BRWD3: variants seen among roughly 807,000 people sequenced by gnomAD.
The protein encoded by BRWD3 is bromodomain and WD repeat domain containing 3, also known as bromodomain and WD repeat-containing protein 3.
Under a neutral mutation model 149.7 loss-of-function variants are expected in BRWD3, and 10 were observed. The ratio of observed to expected loss-of-function variants is 0.07; its 90% confidence interval spans 0.04 to 0.11. The LOEUF is 0.11. BRWD3 is among the 10% of genes least tolerant of loss of function. BRWD3 has a pLI of 1.00. For missense variants in BRWD3, 940 were observed against 1,373.2 expected, an observed-to-expected ratio of 0.68 and a Z score of 4.99; for synonymous variants, 504 against 456.7, an observed-to-expected ratio of 1.10 and a Z score of -1.32.
intron 25 of BRWD3, among the ~76,000 whole-genome samples, chrX:80,697,593 A>G (rs1359976721): frequency 9.0e-6 from 1 of 111,346 alleles, no homozygotes; most frequent in African/African-American, 3.3e-5. Flanking sequence ...TCTGTTTTTC[A>G]GCTGTTTTAC....
At chrX:80,700,647 G>A (rs921529539) in intron 24 of BRWD3, among the ~76,000 whole-genome samples, 1 of 105,472 alleles carries the variant, frequency 9.5e-6, no homozygotes, top group Non-Finnish European at 1.9e-5. Context: ...TGACGCAGGA[G>A]AATCACTTGA....
At chrX:80,781,165 T>G (rs905513676) in intron 6 of BRWD3, among the ~76,000 whole-genome samples, 2 of 111,463 alleles carry the variant, frequency 1.8e-5, no homozygotes, top group African/African-American at 6.5e-5. Context: ...ACAAAATTCT[T>G]TTTTTTTGAA....
At chrX:80,793,556 A>T (rs1354909688) in intron 5 of BRWD3, 66 bp downstream of exon 5, 2 of 1,053,480 alleles carry the variant, frequency 1.9e-6, no homozygotes, top group African/African-American at 1.9e-5. Context: ...CATTTACTCA[A>T]TCTAAAAATA....
chrX:80,691,678 A>T, intron 30 of BRWD3, 145 bp downstream of exon 30: 1 of 770,209 alleles, frequency 1.3e-6, no homozygotes, highest in Non-Finnish European at 1.9e-6. Flanking sequence ...AAAACTGCTA[A>T]TATTAAAACT....
At chrX:80,777,386 G>GGTA (rs1291474506) in intron 6 of BRWD3, among the ~76,000 whole-genome samples, 1 of 110,371 alleles carries the variant, frequency 9.1e-6, no homozygotes, top group Non-Finnish European at 1.9e-5. Flanking sequence ...ACAAATTAGT[G>GGTA]GTATTATTAT....
chrX:80,724,880 A>G, intron 15 of BRWD3, 53 bp downstream of exon 15: 1 of 1,177,313 alleles, frequency 8.5e-7, no homozygotes. Flanking sequence ...CCAAGTTATT[A>G]TATGAGAGAA....
intron 8 of BRWD3, among the ~76,000 whole-genome samples, chrX:80,736,630 T>C (rs2073408073): frequency 9.0e-6 from 1 of 111,655 alleles, no homozygotes; most frequent in African/African-American, 3.3e-5. Flanking sequence ...TTTGTTTCCA[T>C]AAATAATGTA....
Position 80,717,702 on chromosome X carries a change from T to C in BRWD3, c.2102A>G (p.His701Arg). The C allele has an allele frequency of 8.3e-7, 1 of 1,211,410 alleles. No homozygotes were observed. Residue 701 changes from histidine (H) to arginine (R), a missense_variant, in exon 19 of 41, where the codon CAT becomes CGT. By Grantham distance (29) the His-to-Arg change is conservative (BLOSUM62 0). Around this residue, in one of 6 missense-constraint regions of BRWD3, gnomAD observed 103 missense variants for 103.2 expected, o/e 1.00. Coordinates refer to ENST00000373275, the MANE Select transcript of BRWD3 (RefSeq NM_153252.5). ...SSSPNIRLRR[H>R]SSQIEGVRQM... ...TCTAACACCTTCAATTTGACTACTA[T>C]GTCTTCGAAGCCTGATGTTTGGGGA...
intron 4 of BRWD3, among the ~76,000 whole-genome samples, chrX:80,796,423 C>A (rs1397880895): frequency 9.0e-6 from 1 of 111,517 alleles, no homozygotes; most frequent in Non-Finnish European, 1.9e-5. Flanking sequence ...GCCACCGTGC[C>A]CAACCTAATC....
rs1330980822 is a variant in BRWD3, at chrX:80,672,482, A to C, written c.*4127T>G. On this transcript the variant is annotated 3_prime_UTR_variant, in exon 41 of 41. Transcript: ENST00000373275. The stretch of plus-strand genomic sequence containing the variant: ...GAAGGAGAAAAGAAAAAAGAAAGAA[A>C]CCTGAGTGCTACCCATATTCCACAA... The C allele has an allele frequency of 9.3e-6, 1 of 107,822 alleles. No homozygotes were observed. The highest frequency in any genetic ancestry group is 1.9e-5 in the Non-Finnish European group (1 of 52,026). 8.9% of individuals were successfully genotyped at this position (107,822 alleles called of 1,213,427 possible).
chrX:80,759,883 T>C (rs190751603), intron 6 of BRWD3, among the ~76,000 whole-genome samples: 201 of 111,327 alleles, frequency 1.8e-3, no homozygotes, highest in African/African-American at 6.5e-3. Flanking sequence ...TAATCCCATA[T>C]AGATTTCTCA....
chrX:80,780,273 A>G, intron 6 of BRWD3, among the ~76,000 whole-genome samples: 1 of 111,269 alleles, frequency 9.0e-6, no homozygotes, highest in East Asian at 2.8e-4. Context: ...TGAAAGAAAA[A>G]TCTAAAGGAA....
At chrX:80,682,355 CA>C (rs1236231258) in intron 38 of BRWD3, 109 bp downstream of exon 38, 11 of 913,313 alleles carry the variant, frequency 1.2e-5, no homozygotes, top group Non-Finnish European at 1.6e-5. Flanking sequence ...AGGAAACAAA[CA>C]AAAAAAGACC....
At chrX:80,746,963 G>C in intron 6 of BRWD3, 2 of 292,658 alleles carry the variant, frequency 6.8e-6, no homozygotes, top group Non-Finnish European at 9.2e-6. Context: ...TAAGAGACCT[G>C]AGTAGTTATG....
At chrX:80,698,028 G>T (rs1232070885) in intron 25 of BRWD3, among the ~76,000 whole-genome samples, 1 of 112,060 alleles carries the variant, frequency 8.9e-6, no homozygotes, top group Non-Finnish European at 1.9e-5. Flanking sequence ...ATGGTATCTT[G>T]TGGCTTTGAT....
chrX:80,802,975 G>C (rs12688645), intron 4 of BRWD3, among the ~76,000 whole-genome samples: 9,032 of 109,496 alleles, frequency 0.082, 372 homozygotes, highest in South Asian at 0.18. Context: ...CGTAGCGGGC[G>C]CCTGTAGTCC....
rs200516863 is a variant in BRWD3, at chrX:80,809,710, AGT to A, written c.-241_-240del. ...AGAGGAGAGGGAGAGGGAGAGAGAGAGTGAGTGAGTGAGAGAGAGAGAGAGAA... is the reference window on the plus strand; with the variant it reads ...AGAGGAGAGGGAGAGGGAGAGAGAGAGAGTGAGTGAGAGAGAGAGAGAGAA... On this transcript the variant is annotated 5_prime_UTR_variant, in exon 1 of 41. Coordinates refer to ENST00000373275, the MANE Select transcript of BRWD3 (RefSeq NM_153252.5). The A allele has an allele frequency of 2.0e-4, 64 of 326,435 alleles. No homozygotes were observed. The highest frequency in any genetic ancestry group is 7.3e-4 in the South Asian group (12 of 16,486). 26.9% of individuals were successfully genotyped at this position (326,435 alleles called of 1,213,427 possible). A position where few individuals can be genotyped will look rare whatever the true frequency, so the allele number is the denominator to read the frequency against.
intron 18 of BRWD3, among the ~76,000 whole-genome samples, chrX:80,717,972 ATTATT>A (rs1393867290): frequency 1.8e-5 from 2 of 111,746 alleles, no homozygotes; most frequent in African/African-American, 3.2e-5. Flanking sequence ...AATTTCTATA[ATTATT>A]TTAATTTTTT....
intron 27 of BRWD3, among the ~76,000 whole-genome samples, chrX:80,693,600 G>A (rs2072641502): frequency 8.9e-6 from 1 of 111,739 alleles, no homozygotes; most frequent in Non-Finnish European, 1.9e-5. Flanking sequence ...GGGAACTAGA[G>A]TAAAGGTCAC....
Sources: gnomAD v4.1 joint callset for allele counts (sites outside exome capture counted in the v4.1 genomes callset) on GRCh38, gnomAD v4.1.1 for gene constraint, gnomAD v4.1.1 regional missense constraint, MANE v1.5 for transcripts, NCBI Gene and HGNC (gene_info 2026-07-23, HGNC 2026-07-21) for gene names.